The following RPH3AL variants were observed in gnomAD, a reference collection of about 807,000 sequenced individuals.
RPH3AL encodes rab effector Noc2.
RPH3AL carries 38 observed loss-of-function variants against 43.1 expected under a neutral mutation model. That is an observed-to-expected ratio of 0.88 (90% CI 0.68 to 1.15). The LOEUF is 1.15. Ranked by LOEUF, RPH3AL falls within the 50% of genes most tolerant of loss-of-function variation. The probability of loss-of-function intolerance (pLI) is 0.00; values close to 1 mark genes in which losing one functional copy is unlikely to be tolerated. For synonymous variants in RPH3AL, 189 were observed against 176.3 expected (o/e 1.07, Z -0.57); for missense variants, 462 against 423.2 (o/e 1.09, Z -0.81).
chr17:257,260 C>G (rs377489052), intron 6 of RPH3AL, among the ~76,000 whole-genome samples: 1 of 16,444 alleles, frequency 6.1e-5, no homozygotes, highest in African/African-American at 1.7e-4. Flanking sequence ...TGAGGGGAGC[C>G]GCACGGCGTC....
Position 271,394 on chromosome 17 carries a change from C to A in RPH3AL, c.438+10374G>T, listed in dbSNP as rs190384480. 2.7e-3 allele frequency among the ~76,000 whole-genome samples: 407 copies of A among 152,314 alleles called. 2 individuals are homozygous for A. The highest frequency in any genetic ancestry group is 9.5e-3 in the African/African-American group (395 of 41,556). Reference sequence around the variant, plus strand: ...TATGGCCATTTTCACAATATTGATTCTTCCTATCCATGAGCATGGAATGTT... The same window carrying A: ...TATGGCCATTTTCACAATATTGATTATTCCTATCCATGAGCATGGAATGTT... On this transcript the variant is annotated intron_variant, in intron 6 of 9. Coordinates refer to ENST00000331302, the MANE Select transcript of RPH3AL (RefSeq NM_006987.4).
At chr17:249,467 T>C (rs1555541435) in intron 6 of RPH3AL, among the ~76,000 whole-genome samples, 1 of 151,832 alleles carries the variant, frequency 6.6e-6, no homozygotes, top group African/African-American at 2.4e-5. Flanking sequence ...GAGCAGCCTC[T>C]CCACAGAGGA....
At chr17:266,006 C>T (rs1463097316) in intron 6 of RPH3AL, among the ~76,000 whole-genome samples, 3 of 152,216 alleles carry the variant, frequency 2.0e-5, no homozygotes, top group African/African-American at 7.2e-5. Context: ...GGGTCTGAGC[C>T]ACACCAGGGC....
intron 5 of RPH3AL, among the ~76,000 whole-genome samples, chr17:312,649 T>A (rs1598071583): frequency 6.6e-6 from 1 of 152,208 alleles, no homozygotes; most frequent in East Asian, 1.9e-4. Flanking sequence ...ACAGGCATCC[T>A]TTACTGCACG....
intron 2 of RPH3AL, among the ~76,000 whole-genome samples, chr17:330,352 C>T (rs1443867586): frequency 6.6e-6 from 1 of 152,236 alleles, no homozygotes; most frequent in Admixed American, 6.5e-5. Context: ...CCCAGATCAC[C>T]CAGGACCTCC....
chr17:259,138 G>C (rs535749314), intron 6 of RPH3AL, among the ~76,000 whole-genome samples: 1 of 152,284 alleles, frequency 6.6e-6, no homozygotes, highest in African/African-American at 2.4e-5. Flanking sequence ...TGTCACTGTA[G>C]TCCAGGTGGA....
chr17:243,898 T>TACTG lies in RPH3AL; in HGVS notation c.613+3212_613+3213insCAGT, dbSNP rs1157028757. On this transcript the variant is annotated intron_variant, in intron 7 of 9. Coordinates refer to ENST00000331302, the MANE Select transcript of RPH3AL (RefSeq NM_006987.4). Reference sequence around the variant, plus strand: ...CTTCCTCTACTGATTACACTTCCTCTATTACCTTCCTCTATTGATTACCTT... The same window carrying TACTG: ...CTTCCTCTACTGATTACACTTCCTCTACTGATTACCTTCCTCTATTGATTACCTT... 5.3e-5 allele frequency among the ~76,000 whole-genome samples: 8 copies of TACTG among 150,196 alleles called. 1 individual carries two copies. The South Asian group carries it at 1.7e-3, about 32-fold the overall frequency.
In RPH3AL at chr17:283,567, G is replaced by T. The variant is rs888378882; in HGVS notation, c.352-1713C>A. On this transcript the variant is annotated intron_variant, in intron 5 of 9. Coordinates refer to ENST00000331302, the MANE Select transcript of RPH3AL (RefSeq NM_006987.4). The surrounding 1 kb of genome is among the most constrained non-coding windows in gnomAD (Gnocchi z 4.2). ...CAGCTCTCATGAAGGTCCTAGGCTT[G>T]GGGTGTTTGATGGCCCAGATCTGCA... Among the ~76,000 whole-genome samples the T allele has an allele frequency of 6.6e-6, 1 of 152,124 alleles. No homozygotes were observed. The highest frequency in any genetic ancestry group is 6.5e-5 in the Admixed American group (1 of 15,272).
intron 5 of RPH3AL, among the ~76,000 whole-genome samples, chr17:308,107 A>AAC (rs2043547202): frequency 6.6e-6 from 1 of 152,210 alleles, no homozygotes; most frequent in Admixed American, 6.5e-5. Context: ...ATGAGGGGCA[A>AAC]ACACTCGTCT....
At chr17:350,639 A>G (rs542903597) in intron 1 of RPH3AL, among the ~76,000 whole-genome samples, 6 of 152,316 alleles carry the variant, frequency 3.9e-5, no homozygotes, top group African/African-American at 1.4e-4. Flanking sequence ...CAAACACAGT[A>G]TCTGGTACCT....
intron 7 of RPH3AL, among the ~76,000 whole-genome samples, chr17:230,842 T>TTTG (rs1248298319): frequency 4.0e-5 from 6 of 151,820 alleles, no homozygotes; most frequent in Non-Finnish European, 7.4e-5. Flanking sequence ...TCCCTTGTTT[T>TTTG]TTGTTGTTGT....
In RPH3AL at chr17:271,256, C is replaced by T. The variant is rs544036031; in HGVS notation, c.438+10512G>A. Among the ~76,000 whole-genome samples, 188 of 152,278 alleles carry T rather than the reference C, an allele frequency of 1.2e-3. 1 individual carries two copies. Among genetic ancestry groups the T allele is most frequent in the African/African-American group, 3.6e-3 (148 of 41,566 alleles). On this transcript the variant is annotated intron_variant, in intron 6 of 9. Transcript: ENST00000331302. ...TTGGCTTAGAATTGACTTGGCAATG[C>T]GGGCTCTTTTTTGGTTCCATATGAA...
In RPH3AL at chr17:236,979, G is replaced by A. The variant is rs537141718; in HGVS notation, c.613+10132C>T. ...TCCATCATCGACAGTCCATTCCACC[G>A]TCTGTAGCTGCCCTGGAGGCTGCTC... On this transcript the variant is annotated intron_variant, in intron 7 of 9. Transcript: ENST00000331302. Among the ~76,000 whole-genome samples, 26 of 152,308 alleles carry A rather than the reference G, an allele frequency of 1.7e-4. No individual in the cohort carries two copies. In the South Asian group the frequency reaches 4.1e-3, roughly 24 times the overall value.
At chr17:230,192 C>A (rs2041199792) in intron 7 of RPH3AL, among the ~76,000 whole-genome samples, 1 of 152,146 alleles carries the variant, frequency 6.6e-6, no homozygotes, top group South Asian at 2.1e-4. Context: ...CTTGCTTATT[C>A]ATTTACCATC....
At chr17:284,049 G>A (rs923250921) in intron 5 of RPH3AL, among the ~76,000 whole-genome samples, 3 of 152,150 alleles carry the variant, frequency 2.0e-5, no homozygotes, top group African/African-American at 4.8e-5. Context: ...CCTCAGAGAC[G>A]TGAGCTCTCC....
At chr17:258,412 C>T (rs1344946532) in intron 6 of RPH3AL, among the ~76,000 whole-genome samples, 1 of 152,214 alleles carries the variant, frequency 6.6e-6, no homozygotes, top group Admixed American at 6.5e-5. Context: ...GTGTTTCACT[C>T]AAGTTCCTGT....
rs371824473 is a variant in RPH3AL, at chr17:215,614, G to A, written c.876+40C>T. ...AGTGAGTGAGAGAGGACACGGCCGC[G>A]GGGGCAGGAGAGGGGAGAAGGCAGC... On this transcript the variant is annotated intron_variant, in intron 9 of 9. Transcript: ENST00000331302. This position sits in a 1 kb window ranked among gnomAD's most constrained non-coding sequence, Gnocchi z 4.1. 156 of 1,255,516 alleles carry A rather than the reference G, an allele frequency of 1.2e-4. 1 individual carries two copies. The East Asian group carries it at 2.5e-3, about 20-fold the overall frequency. The allele number at this position is 1,255,516 out of a possible 1,614,324, so 77.8% of individuals were successfully genotyped here. A position where few individuals can be genotyped will look rare whatever the true frequency, so the allele number is the denominator to read the frequency against.
rs1223511393 is a variant in RPH3AL, at chr17:327,556, C to G, written c.-13G>C. 3 of 1,613,080 alleles carry G rather than the reference C, an allele frequency of 1.9e-6. No homozygotes were observed. In the African/African-American group the frequency reaches 4.0e-5, roughly 22 times the overall value. On this transcript the variant is annotated 5_prime_UTR_variant, in exon 3 of 10. Coordinates refer to ENST00000331302, the MANE Select transcript of RPH3AL (RefSeq NM_006987.4). ...TGGTGTCGGCCATGGCTCGGAGCACCCGGCTGGGGGTGGGGAGTCACATCT... is the reference window on the plus strand; with the variant it reads ...TGGTGTCGGCCATGGCTCGGAGCACGCGGCTGGGGGTGGGGAGTCACATCT...
In RPH3AL at chr17:333,053, C is replaced by T. The variant is rs1041995189; in HGVS notation, c.-37+706G>A. The T allele has an allele frequency of 1.1e-5, 14 of 1,289,104 alleles. No homozygotes were observed. The highest frequency in any genetic ancestry group is 1.4e-5 in the Non-Finnish European group (14 of 988,694). 79.9% of individuals were successfully genotyped at this position (1,289,104 alleles called of 1,614,324 possible). On this transcript the variant is annotated intron_variant, in intron 2 of 9. Transcript: ENST00000331302. This position sits in a 1 kb window ranked among gnomAD's most constrained non-coding sequence, Gnocchi z 4.5. ...GATCGGTAAAAACAACCCCTTCTTCCAGGAGGATGCAATTCTCTCTCTAAA... is the reference window on the plus strand; with the variant it reads ...GATCGGTAAAAACAACCCCTTCTTCTAGGAGGATGCAATTCTCTCTCTAAA...
Sources: gnomAD v4.1 joint callset for allele counts (sites outside exome capture counted in the v4.1 genomes callset) on GRCh38, gnomAD v4.1.1 for gene constraint, Gnocchi (gnomAD v3.1) non-coding constraint, MANE v1.5 for transcripts, NCBI Gene and HGNC (gene_info 2026-07-23, HGNC 2026-07-21) for gene names.